Variants in DGKB observed in about 807,000 individuals in gnomAD.
DGKB encodes 90 kDa diacylglycerol kinase.
Under a neutral mutation model 114.3 loss-of-function variants are expected in DGKB, and 67 were observed. The ratio of observed to expected loss-of-function variants is 0.59; its 90% CI spans 0.48 to 0.72. DGKB has a LOEUF of 0.72. Ranked by LOEUF, DGKB falls within the 30% of genes least tolerant of loss-of-function variation. DGKB has a pLI of 0.00. For synonymous variants in DGKB, 398 were observed against 323.1 expected (o/e 1.23, Z -2.49); for missense variants, 907 against 975.2 (o/e 0.93, Z 0.93).
At chr7:14,216,290 A>C (rs1185923564) in intron 23 of DGKB, among the ~76,000 whole-genome samples, 1 of 152,186 alleles carries the variant, frequency 6.6e-6, no homozygotes, top group Admixed American at 6.5e-5. Context: ...AATATCAGTA[A>C]CTATTACTCA....
At chr7:14,889,436 T>A (rs2128223416) in intron 1 of DGKB, among the ~76,000 whole-genome samples, 1 of 151,692 alleles carries the variant, frequency 6.6e-6, no homozygotes, top group Non-Finnish European at 1.5e-5. Context: ...GCATTTTATT[T>A]CTTAGTGCTT....
intron 5 of DGKB, among the ~76,000 whole-genome samples, chr7:14,726,598 G>C (rs12540121): frequency 0.14 from 21,099 of 152,148 alleles, 1,764 homozygotes; most frequent in Middle Eastern, 0.24. Context: ...ACATTTGAAA[G>C]AAAATTAGAA....
At chr7:14,537,756 C>G (rs1017835197) in intron 20 of DGKB, among the ~76,000 whole-genome samples, 1 of 152,028 alleles carries the variant, frequency 6.6e-6, no homozygotes, top group Non-Finnish European at 1.5e-5. Context: ...GATGTGGCAC[C>G]AAAAGCACAG....
At chr7:14,221,159 A>AT (rs1286167749) in intron 23 of DGKB, among the ~76,000 whole-genome samples, 2 of 150,882 alleles carry the variant, frequency 1.3e-5, no homozygotes, top group Non-Finnish European at 3.0e-5. Context: ...CCTTTTATTT[A>AT]TTTTTTTGCC....
At chr7:14,797,451 AT>A (rs2128038515) in intron 2 of DGKB, among the ~76,000 whole-genome samples, 1 of 152,330 alleles carries the variant, frequency 6.6e-6, no homozygotes, top group East Asian at 1.9e-4. Context: ...CAAGATGCTT[AT>A]CCAGAAGGGC....
At chr7:14,660,471 T>C (rs1185813874) in intron 13 of DGKB, among the ~76,000 whole-genome samples, 1 of 152,140 alleles carries the variant, frequency 6.6e-6, no homozygotes, top group South Asian at 2.1e-4. Flanking sequence ...TCGAGGAATT[T>C]ATCCATTTCT....
At chr7:14,176,596 A>G (rs1781773418) in intron 25 of DGKB, 4 of 1,199,886 alleles carry the variant, frequency 3.3e-6, no homozygotes, top group South Asian at 3.2e-5. Context: ...TAATTGATCT[A>G]TTTAAAAGAT....
At chr7:14,224,284 G>T (rs1790440687) in intron 23 of DGKB, among the ~76,000 whole-genome samples, 1 of 151,818 alleles carries the variant, frequency 6.6e-6, no homozygotes, top group South Asian at 2.1e-4. Context: ...TCAATCCAGG[G>T]AAATTTTCAC....
At chr7:14,833,236 C>A (rs986729956) in intron 2 of DGKB, among the ~76,000 whole-genome samples, 1 of 152,092 alleles carries the variant, frequency 6.6e-6, no homozygotes, top group Admixed American at 6.6e-5. Flanking sequence ...TTTTTAGTCT[C>A]CTTTTCATCA....
At chr7:14,769,228 G>GAAAGAAAGAAAGAAAGAA (rs1554265922) in intron 2 of DGKB, among the ~76,000 whole-genome samples, 1 of 119,602 alleles carries the variant, frequency 8.4e-6, no homozygotes, top group Non-Finnish European at 1.7e-5. Context: ...GAAAGAGAGA[G>GAAAGAAAGAAAGAAAGAA]AGAAAGAAAG....
At chr7:14,327,495 C>T (rs909011125) in intron 23 of DGKB, among the ~76,000 whole-genome samples, 19 of 152,142 alleles carry the variant, frequency 1.2e-4, no homozygotes, top group African/African-American at 4.3e-4. Context: ...CAAAATAGCA[C>T]TGTTAATATG....
At chr7:14,560,871 C>G (rs1796556723) in intron 20 of DGKB, among the ~76,000 whole-genome samples, 1 of 152,206 alleles carries the variant, frequency 6.6e-6, no homozygotes, top group Non-Finnish European at 1.5e-5. Context: ...CCTGTTGTTT[C>G]TGACAATAGC....
chr7:14,758,556 A>C (rs569618529), intron 2 of DGKB, among the ~76,000 whole-genome samples: 159 of 152,220 alleles, frequency 1.0e-3, no homozygotes, highest in African/African-American at 3.7e-3. Flanking sequence ...TAATAATGAA[A>C]AAACCTCAAA....
At chr7:14,519,409 A>C (rs1789373623) in intron 20 of DGKB, among the ~76,000 whole-genome samples, 2 of 152,124 alleles carry the variant, frequency 1.3e-5, no homozygotes, top group African/African-American at 2.4e-5. Context: ...ACCATGTTAT[A>C]GCACATAGCA....
At chr7:14,701,854 C>T (rs937902204) in intron 6 of DGKB, 124 bp from the exon 7 acceptor site, 7 of 636,524 alleles carry the variant, frequency 1.1e-5, no homozygotes, top group African/African-American at 1.9e-5. Context: ...CTGCTCCAAA[C>T]AATTAATTTG....
intron 23 of DGKB, among the ~76,000 whole-genome samples, chr7:14,266,067 C>A (rs968358210): frequency 6.6e-6 from 1 of 152,144 alleles, no homozygotes; most frequent in African/African-American, 2.4e-5. Flanking sequence ...TAAAAGGCAA[C>A]CTTTTCTGTG....
At chr7:14,943,645 C>G (rs911623978) in intron 1 of DGKB, among the ~76,000 whole-genome samples, 1 of 151,842 alleles carries the variant, frequency 6.6e-6, no homozygotes, top group South Asian at 2.1e-4. Context: ...GAAACACACA[C>G]ACACATATAT....
chr7:14,704,822 T>G (rs1825900730), intron 6 of DGKB, among the ~76,000 whole-genome samples: 1 of 151,944 alleles, frequency 6.6e-6, no homozygotes, highest in Admixed American at 6.6e-5. Flanking sequence ...CATCTGTACA[T>G]CACCATCATC....
intron 13 of DGKB, among the ~76,000 whole-genome samples, chr7:14,641,384 CTGTTAT>C (rs1432103697): frequency 6.6e-6 from 1 of 151,744 alleles, no homozygotes; most frequent in Admixed American, 6.6e-5. Flanking sequence ...GCTGTTGTTA[CTGTTAT>C]TATGATCCTT....
Sources: allele counts gnomAD v4.1 joint callset (sites outside exome capture counted in the v4.1 genomes callset), GRCh38; gene constraint gnomAD v4.1.1; transcripts MANE v1.5; gene names NCBI Gene and HGNC (gene_info 2026-07-23, HGNC 2026-07-21).